HPSE2: variants seen among roughly 807,000 people sequenced by gnomAD.
The protein encoded by HPSE2 is heparanase 2 (inactive).
HPSE2 carries 38 observed loss-of-function variants against 60.5 expected under a neutral mutation model. The ratio of observed to expected loss-of-function variants is 0.63; its 90% CI spans 0.48 to 0.82. The LOEUF is 0.82. Among genes scored for constraint, HPSE2 ranks in the 40% least tolerant of loss-of-function variants. The pLI, the probability that HPSE2 is intolerant of heterozygous loss-of-function variation, is 0.00. For synonymous variants in HPSE2, 295 were observed against 293.2 expected (o/e 1.01, Z -0.06); for missense variants, 713 against 740.4 (o/e 0.96, Z 0.43).
intron 9 of HPSE2, among the ~76,000 whole-genome samples, chr10:98,613,391 C>CGGCAAAT (rs1945814239): frequency 6.6e-6 from 1 of 152,154 alleles, no homozygotes; most frequent in African/African-American, 2.4e-5. Flanking sequence ...TACACTAGTC[C>CGGCAAAT]GGCAAATGTA....
intron 3 of HPSE2, among the ~76,000 whole-genome samples, chr10:99,121,893 A>T (rs1844967399): frequency 6.6e-6 from 1 of 152,174 alleles, no homozygotes; most frequent in South Asian, 2.1e-4. Flanking sequence ...TCAACAGAAG[A>T]TCAATTAAAT....
chr10:99,124,071 C>A (rs1031106835), intron 3 of HPSE2, among the ~76,000 whole-genome samples: 1 of 152,134 alleles, frequency 6.6e-6, no homozygotes, highest in Non-Finnish European at 1.5e-5. Context: ...TAGCTCCTAT[C>A]CAATTTCAGA....
chr10:99,145,241 T>C (rs957995563), intron 2 of HPSE2, among the ~76,000 whole-genome samples: 2 of 152,088 alleles, frequency 1.3e-5, no homozygotes, highest in East Asian at 1.9e-4. Flanking sequence ...CAGATCACGA[T>C]GTCAGGAGTT....
chr10:99,271,764 A>G, the HPSE2 span, among the ~76,000 whole-genome samples: 1 of 152,200 alleles, frequency 6.6e-6, no homozygotes, highest in African/African-American at 2.4e-5. Context: ...GGCCATAGCC[A>G]CCAAAACTGC....
chr10:98,957,634 G>C (rs909398390), intron 3 of HPSE2, among the ~76,000 whole-genome samples: 2 of 152,120 alleles, frequency 1.3e-5, no homozygotes, highest in Non-Finnish European at 2.9e-5. Context: ...GCAGTCTTCT[G>C]ATTCCATAGC....
At chr10:99,154,951 T>C (rs1196372347) in intron 2 of HPSE2, among the ~76,000 whole-genome samples, 1 of 151,470 alleles carries the variant, frequency 6.6e-6, no homozygotes, top group African/African-American at 2.4e-5. Flanking sequence ...GGGGTTGCAA[T>C]CCTAGTCTCT....
chr10:98,776,495 A>T (rs937833533), intron 3 of HPSE2, among the ~76,000 whole-genome samples: 1 of 152,114 alleles, frequency 6.6e-6, no homozygotes, highest in Non-Finnish European at 1.5e-5. Flanking sequence ...ATATCTACAG[A>T]TCACCTATGT....
intron 3 of HPSE2, among the ~76,000 whole-genome samples, chr10:98,802,077 T>G (rs1160909218): frequency 6.6e-6 from 1 of 152,012 alleles, no homozygotes; most frequent in African/African-American, 2.4e-5. Flanking sequence ...CAAGAACATG[T>G]TGGAGAAAAG....
chr10:98,710,626 A>G (rs1218585370), intron 5 of HPSE2, among the ~76,000 whole-genome samples: 1 of 152,220 alleles, frequency 6.6e-6, no homozygotes, highest in Non-Finnish European at 1.5e-5. Flanking sequence ...GCATTTGGTA[A>G]GCAGATTATC....
intron 2 of HPSE2, among the ~76,000 whole-genome samples, chr10:99,230,007 T>C (rs1849593480): frequency 1.3e-5 from 2 of 152,238 alleles, no homozygotes; most frequent in Non-Finnish European, 1.5e-5. Context: ...TTTAAGGATA[T>C]GTGAGCTTCA....
intron 3 of HPSE2, among the ~76,000 whole-genome samples, chr10:99,090,025 T>C (rs758628188): frequency 1.3e-5 from 2 of 152,224 alleles, no homozygotes; most frequent in Non-Finnish European, 2.9e-5. Context: ...ATTAATTTTG[T>C]ATCCTAAAAC....
intron 3 of HPSE2, among the ~76,000 whole-genome samples, chr10:99,027,660 A>ACAC (rs1564747733): frequency 4.3e-5 from 6 of 138,996 alleles, no homozygotes; most frequent in African/African-American, 1.3e-4. Context: ...CACATGACAA[A>ACAC]CACCACCACC....
At chr10:98,907,246 T>G (rs1387987338) in intron 3 of HPSE2, among the ~76,000 whole-genome samples, 1 of 152,178 alleles carries the variant, frequency 6.6e-6, no homozygotes, top group Non-Finnish European at 1.5e-5. Flanking sequence ...AGAGTCTTTT[T>G]GGGGCCTCTG....
At chr10:99,139,302 GA>G (rs1241263523) in intron 3 of HPSE2, among the ~76,000 whole-genome samples, 53 of 152,076 alleles carry the variant, frequency 3.5e-4, no homozygotes, top group African/African-American at 1.2e-3. Flanking sequence ...GGGGAGAAAG[GA>G]GAAAAACAAA....
At chr10:98,476,106 A>T (rs1424446805) in intron 11 of HPSE2, among the ~76,000 whole-genome samples, 2 of 151,852 alleles carry the variant, frequency 1.3e-5, no homozygotes, top group African/African-American at 2.4e-5. Context: ...GGATTAAGAA[A>T]ATGTGGCACA....
At chr10:99,074,268 GTGT>G (rs1564786166) in intron 3 of HPSE2, among the ~76,000 whole-genome samples, 1 of 152,030 alleles carries the variant, frequency 6.6e-6, no homozygotes, top group Non-Finnish European at 1.5e-5. Context: ...TCATAAAAGC[GTGT>G]TGAATTTTGT....
chr10:99,225,982 T>G (rs1384396101), intron 2 of HPSE2, among the ~76,000 whole-genome samples: 2 of 152,114 alleles, frequency 1.3e-5, no homozygotes, highest in African/African-American at 4.8e-5. Flanking sequence ...TAATTTCTAA[T>G]GTACTTTATT....
At chr10:99,227,311 A>C (rs1490774833) in intron 2 of HPSE2, among the ~76,000 whole-genome samples, 1 of 152,090 alleles carries the variant, frequency 6.6e-6, no homozygotes, top group Non-Finnish European at 1.5e-5. Flanking sequence ...GTGAAAAGGC[A>C]CTGTTACACC....
chr10:98,763,717 G>A (rs2134395491), intron 3 of HPSE2, among the ~76,000 whole-genome samples: 1 of 149,320 alleles, frequency 6.7e-6, no homozygotes, highest in South Asian at 2.1e-4. Context: ...TGCTGAAAAA[G>A]AAAAGACTAT....
Sources: allele counts gnomAD v4.1 joint callset (sites outside exome capture counted in the v4.1 genomes callset), GRCh38; gene constraint gnomAD v4.1.1; transcripts MANE v1.5; gene names NCBI Gene and HGNC (gene_info 2026-07-23, HGNC 2026-07-21).